SQOR: variants seen among roughly 807,000 people sequenced by gnomAD.
SQOR encodes the protein sulfide quinone oxidoreductase.
Under a neutral mutation model 48.6 loss-of-function variants are expected in SQOR, and 39 were observed. The observed-to-expected ratio is 0.80, with a 90% CI of 0.62 to 1.05. SQOR has a LOEUF of 1.05. SQOR is among the 50% of genes least tolerant of loss of function. The probability of loss-of-function intolerance (pLI) is 0.00; values close to 1 mark genes in which losing one functional copy is unlikely to be tolerated. For missense variants in SQOR, 561 were observed against 559.9 expected (o/e 1.00, Z -0.02); for synonymous variants, 220 against 206.2 (o/e 1.07, Z -0.57).
chr15:45,662,601 T>C (rs1402358654), intron 3 of SQOR, among the ~76,000 whole-genome samples: 1 of 152,202 alleles, frequency 6.6e-6, no homozygotes, highest in Non-Finnish European at 1.5e-5. Flanking sequence ...CTGAGGTTCA[T>C]GCCAGCGCTA....
intron 7 of SQOR, among the ~76,000 whole-genome samples, chr15:45,687,827 T>C (rs1890250251): frequency 6.6e-6 from 1 of 152,234 alleles, no homozygotes; most frequent in Non-Finnish European, 1.5e-5. Context: ...TCTATATCTA[T>C]AGATCTATAT....
At chr15:45,681,661 T>C (rs887255118) in intron 6 of SQOR, among the ~76,000 whole-genome samples, 1 of 151,950 alleles carries the variant, frequency 6.6e-6, no homozygotes, top group African/African-American at 2.4e-5. Flanking sequence ...CACTAGCAAA[T>C]TGATGAATTT....
intron 1 of SQOR, among the ~76,000 whole-genome samples, chr15:45,649,357 A>C (rs1347950508): frequency 2.0e-5 from 3 of 152,220 alleles, no homozygotes; most frequent in African/African-American, 4.8e-5. Context: ...GAGGGACACA[A>C]TCAATTTAGA....
chr15:45,673,801 G>C lies in SQOR; in HGVS notation c.654G>C (p.Lys218Asn). ...ACTTATCAGAAGCCTACTTCAGGAA[G>C]GTATGCTTCCTTTCTGGGGACAGAG... The part of the protein sequence containing the change: ...IMYLSEAYFR[K>N]TGKRSKANII... Residue 218 changes from lysine to asparagine, a missense_variant and splice_region_variant, in exon 5 of 10, where the codon AAG becomes AAC. Transcript: ENST00000260324. The C allele has an allele frequency of 6.2e-7, 1 of 1,613,880 alleles. No individual in the cohort carries two copies. Among genetic ancestry groups the C allele is most frequent in the African/African-American group, 1.3e-5 (1 of 75,004 alleles).
At position 45,676,232 on chromosome 15, in the gene SQOR, C is replaced by T. The variant is rs765011547; in HGVS notation, c.786C>T (p.Asn262=). The change falls in exon 6 of 10, where the codon AAC becomes AAT. Residue 262 remains asparagine (N), a synonymous_variant. Coordinates refer to ENST00000260324, the MANE Select transcript of SQOR (RefSeq NM_021199.4). ...ERNLTVNYKK[N]LIEVRADKQE... ...ACCTCACTGTTAACTACAAGAAAAA[C>T]CTCATTGAAGTCCGAGCCGATAAAC... 1.2e-6 allele frequency: 2 copies of T among 1,614,072 alleles called. No homozygotes were observed. Among genetic ancestry groups the T allele is most frequent in the East Asian group, 4.5e-5 (2 of 44,882 alleles).
chr15:45,687,708 G>A (rs745692434), intron 7 of SQOR, among the ~76,000 whole-genome samples: 3 of 151,856 alleles, frequency 2.0e-5, no homozygotes, highest in Non-Finnish European at 2.9e-5. Context: ...AACAAATCCC[G>A]ATGTATGTAT....
chr15:45,640,520 T>G (rs556611542), intron 1 of SQOR, among the ~76,000 whole-genome samples: 112 of 152,352 alleles, frequency 7.4e-4, no homozygotes, highest in African/African-American at 2.6e-3. Flanking sequence ...CACCTCATTC[T>G]GTCTCAACTA....
At chr15:45,655,918 C>G (rs547079990) in intron 1 of SQOR, among the ~76,000 whole-genome samples, 13 of 151,858 alleles carry the variant, frequency 8.6e-5, no homozygotes, top group African/African-American at 3.1e-4. Context: ...ATCTCCTGAC[C>G]TTGTGATCCG....
At chr15:45,654,685 G>A (rs1377867098) in intron 1 of SQOR, among the ~76,000 whole-genome samples, 1 of 152,112 alleles carries the variant, frequency 6.6e-6, no homozygotes, top group African/African-American at 2.4e-5. Context: ...ACACACACAA[G>A]GAGTTTCGGA....
chr15:45,679,955 A>G (rs1890098620), intron 6 of SQOR, among the ~76,000 whole-genome samples: 1 of 152,178 alleles, frequency 6.6e-6, no homozygotes, highest in African/African-American at 2.4e-5. Context: ...AAGTTTGAAA[A>G]CCACCACACT....
chr15:45,686,816 T>A (rs1890233461), intron 7 of SQOR, among the ~76,000 whole-genome samples: 1 of 152,212 alleles, frequency 6.6e-6, no homozygotes. Context: ...TATCTTCATT[T>A]TATTTTATTT....
chr15:45,656,795 T>C (rs1338132582), intron 1 of SQOR, among the ~76,000 whole-genome samples: 2 of 152,146 alleles, frequency 1.3e-5, no homozygotes, highest in African/African-American at 4.8e-5. Flanking sequence ...GTAAACATTT[T>C]TTATTTATTT....
chr15:45,644,524 G>A lies in SQOR; in HGVS notation c.-18+9416G>A, dbSNP rs535462143. Among the ~76,000 whole-genome samples, 106 of 152,322 alleles carry A rather than the reference G, an allele frequency of 7.0e-4. 1 individual carries two copies. The highest frequency in any genetic ancestry group is 3.4e-3 in the Middle Eastern group (1 of 294). ...TCTAGATGTATTACAACGTACCTGG[G>A]ATTTGTTTTAATCAAGTATGGTGAG... On this transcript the variant is annotated intron_variant, in intron 1 of 9. Coordinates refer to ENST00000260324, the MANE Select transcript of SQOR (RefSeq NM_021199.4).
chr15:45,669,967 CT>C lies in SQOR; in HGVS notation c.446del (p.Leu149ArgfsTer18), dbSNP rs755490059. ...TCTTATTATTGCTCTCGGAATCCAG[CT>C]GGACTATGAGAAGGTACCGTGTGAA... is the stretch of plus-strand genomic sequence containing the variant. ...RYLIIALGIQ[L>X]DYEKIKGLPE... On this transcript the variant is annotated frameshift_variant, in exon 4 of 10. Coordinates refer to ENST00000260324, the MANE Select transcript of SQOR (RefSeq NM_021199.4). LOFTEE classifies it high-confidence loss of function. 4 of 1,613,980 alleles carry C rather than the reference CT, an allele frequency of 2.5e-6. No homozygotes were observed. Among genetic ancestry groups the C allele is most frequent in the South Asian group, 2.2e-5 (2 of 91,088 alleles).
chr15:45,661,774 C>T (rs1889724764), intron 2 of SQOR, among the ~76,000 whole-genome samples, 181 bp from the exon 3 acceptor site: 1 of 152,242 alleles, frequency 6.6e-6, no homozygotes, highest in Admixed American at 6.5e-5. Flanking sequence ...AGTGACTGTC[C>T]TTCAGAGCTT....
At chr15:45,659,312 C>T (rs1207802754) in intron 2 of SQOR, among the ~76,000 whole-genome samples, 155 bp downstream of exon 2, 1 of 151,990 alleles carries the variant, frequency 6.6e-6, no homozygotes, top group African/African-American at 2.4e-5. Flanking sequence ...AGCAGCCTAT[C>T]CAGAAGGACT....
At chr15:45,635,487 C>A (rs551962058) in intron 1 of SQOR, among the ~76,000 whole-genome samples, 3 of 152,258 alleles carry the variant, frequency 2.0e-5, no homozygotes. Flanking sequence ...GGGTGCTCGG[C>A]GTCCGGGGGC....
chr15:45,636,629 C>G (rs1895011646), intron 1 of SQOR, among the ~76,000 whole-genome samples: 1 of 151,996 alleles, frequency 6.6e-6, no homozygotes, highest in African/African-American at 2.4e-5. Context: ...GTCTCGATCT[C>G]TTGACCTTGT....
intron 1 of SQOR, among the ~76,000 whole-genome samples, chr15:45,640,601 G>A (rs973945418): frequency 5.3e-5 from 8 of 152,120 alleles, no homozygotes; most frequent in African/African-American, 1.9e-4. Context: ...ATTAAAGAGT[G>A]TTTTCTCATT....
Sources: allele counts gnomAD v4.1 joint callset (sites outside exome capture counted in the v4.1 genomes callset), GRCh38; gene constraint gnomAD v4.1.1; transcripts MANE v1.5; gene names NCBI Gene and HGNC (gene_info 2026-07-23, HGNC 2026-07-21).